CHN2: variants seen among roughly 807,000 people sequenced by gnomAD.
CHN2 encodes the protein chimerin 2.
In CHN2, 35 loss-of-function variants were observed where a neutral mutation model predicts 56.3. That is an observed-to-expected ratio of 0.62 (90% CI 0.47 to 0.82). The LOEUF (loss-of-function observed/expected upper bound fraction) is 0.82. Ranked by LOEUF, CHN2 falls within the 40% of genes least tolerant of loss-of-function variation. The pLI is 0.00. For synonymous variants in CHN2, 210 were observed against 212.8 expected (o/e 0.99, Z 0.12); for missense variants, 491 against 580.5 (o/e 0.85, Z 1.58).
chr7:29,501,128 A>G (rs529259816), intron 9 of CHN2, among the ~76,000 whole-genome samples: 60 of 152,264 alleles, frequency 3.9e-4, no homozygotes, highest in South Asian at 1.2e-3. Flanking sequence ...CATTTTTCCA[A>G]AGCACAACTA....
intron 2 of CHN2, among the ~76,000 whole-genome samples, chr7:29,187,552 C>T (rs567806940): frequency 7.2e-5 from 11 of 152,030 alleles, no homozygotes; most frequent in East Asian, 3.9e-4. Flanking sequence ...GGAGAAACCC[C>T]GTCTCTACTA....
intron 6 of CHN2, among the ~76,000 whole-genome samples, chr7:29,444,878 G>T (rs1319343797): frequency 3.9e-5 from 6 of 152,222 alleles, no homozygotes; most frequent in Non-Finnish European, 8.8e-5. Flanking sequence ...CATTTTGGGG[G>T]TTGTTAGTTT....
At chr7:29,399,790 A>G (rs1484825316) in intron 5 of CHN2, among the ~76,000 whole-genome samples, 3 of 152,182 alleles carry the variant, frequency 2.0e-5, no homozygotes, top group Non-Finnish European at 4.4e-5. Flanking sequence ...ATGAGGACGA[A>G]CTTAAAAAGC....
intron 6 of CHN2, among the ~76,000 whole-genome samples, chr7:29,405,233 A>G (rs886587146): frequency 2.1e-5 from 3 of 142,198 alleles, no homozygotes; most frequent in Non-Finnish European, 3.1e-5. Flanking sequence ...GGCAGTTCCA[A>G]CACTCTGCAC....
chr7:29,311,277 C>T (rs77150945), intron 1 of CHN2, among the ~76,000 whole-genome samples: 3,201 of 152,230 alleles, frequency 0.021, 125 homozygotes, highest in African/African-American at 0.074. Flanking sequence ...AAATGTGATC[C>T]ATCTTAAGAG....
rs1286685632 is a variant in CHN2, at chr7:29,213,319, T to C, written c.49+18329T>C. On this transcript the variant is annotated intron_variant, in intron 1 of 12. Transcript: ENST00000222792. ...TAGGATTTTTCTTGTATGGAAACCA[T>C]GTGTTCTGGCTTCCATTATGCCTAT... 2.6e-5 allele frequency: 19 copies of C among 724,174 alleles called. No individual in the cohort carries two copies. The African/African-American group carries it at 2.9e-4, about 11-fold the overall frequency. 44.9% of individuals were successfully genotyped at this position (724,174 alleles called of 1,614,324 possible).
intron 8 of CHN2, among the ~76,000 whole-genome samples, chr7:29,498,489 T>C (rs1021337164): frequency 3.3e-5 from 5 of 152,198 alleles, no homozygotes; most frequent in African/African-American, 1.2e-4. Context: ...GACAGAGAAC[T>C]CAGCCAATAA....
chr7:29,512,951 CTT>C lies in CHN2; in HGVS notation c.*219_*220del. On this transcript the variant is annotated 3_prime_UTR_variant, in exon 13 of 13. Transcript: ENST00000222792. ...GTGAGGGAAGCCCCTCACCTTGGGTCTTTTGCTGTGCCTCCTATGTATGTCTG... is the reference window on the plus strand; with the variant it reads ...GTGAGGGAAGCCCCTCACCTTGGGTCTTGCTGTGCCTCCTATGTATGTCTG... The C allele has an allele frequency of 2.2e-6, 1 of 464,240 alleles. No individual in the cohort carries two copies. Among genetic ancestry groups the C allele is most frequent in the Non-Finnish European group, 3.8e-6 (1 of 264,778 alleles). 28.8% of individuals were successfully genotyped at this position (464,240 alleles called of 1,614,324 possible).
intron 1 of CHN2, among the ~76,000 whole-genome samples, chr7:29,287,061 A>G (rs1792204803): frequency 6.6e-6 from 1 of 151,956 alleles, no homozygotes; most frequent in Admixed American, 6.6e-5. Flanking sequence ...TTTTTAGTCC[A>G]TTTGTTTCTG....
At chr7:29,454,218 G>C (rs183341611) in intron 6 of CHN2, among the ~76,000 whole-genome samples, 11 of 142,722 alleles carry the variant, frequency 7.7e-5, no homozygotes, top group African/African-American at 3.0e-4. Flanking sequence ...GGGCATGCTA[G>C]GTACAGGGGA....
At chr7:29,229,153 G>C (rs752294344) in intron 1 of CHN2, among the ~76,000 whole-genome samples, 1 of 152,118 alleles carries the variant, frequency 6.6e-6, no homozygotes, top group Non-Finnish European at 1.5e-5. Context: ...GCAAGAGTGG[G>C]GTGGGGTGAG....
chr7:29,353,210 A>G (rs1262751965), intron 1 of CHN2, among the ~76,000 whole-genome samples: 1 of 152,230 alleles, frequency 6.6e-6, no homozygotes, highest in Non-Finnish European at 1.5e-5. Flanking sequence ...GAGCAAGGTA[A>G]TAATTGTGAA....
chr7:29,214,393 T>C (rs1785186390), intron 1 of CHN2, among the ~76,000 whole-genome samples: 1 of 152,188 alleles, frequency 6.6e-6, no homozygotes, highest in Admixed American at 6.5e-5. Context: ...CCATATGTTA[T>C]AACCTCATTA....
chr7:29,418,244 C>G lies in CHN2; in HGVS notation c.576+17416C>G, dbSNP rs189803491. Among the ~76,000 whole-genome samples the G allele has an allele frequency of 1.3e-3, 199 of 152,330 alleles. 2 individuals carry two copies. The Middle Eastern group carries it at 0.044, about 34-fold the overall frequency. On this transcript the variant is annotated intron_variant, in intron 6 of 12. Transcript: ENST00000222792. ...TGTTTTGGAGTGGAAGTGGAGCTAA[C>G]TAAGTAAATGTAAGCCACACCAGGC...
chr7:29,207,182 A>G (rs986037639), intron 1 of CHN2, among the ~76,000 whole-genome samples: 1 of 152,252 alleles, frequency 6.6e-6, no homozygotes, highest in Admixed American at 6.5e-5. Context: ...AAGGTGAATC[A>G]GTCATAACGT....
At chr7:29,220,280 AAGAGAG>A (rs60474405) in intron 1 of CHN2, among the ~76,000 whole-genome samples, 8 of 138,168 alleles carry the variant, frequency 5.8e-5, no homozygotes, top group South Asian at 2.3e-4. Flanking sequence ...AAAAAAAAAA[AAGAGAG>A]AGAGAGAGAG....
intron 1 of CHN2, among the ~76,000 whole-genome samples, chr7:29,221,621 C>T (rs960326766): frequency 2.0e-5 from 3 of 152,110 alleles, no homozygotes; most frequent in Admixed American, 1.3e-4. Context: ...CTCCCTTCCT[C>T]GACCCCCAAC....
chr7:29,214,934 T>A (rs963923730), intron 1 of CHN2, among the ~76,000 whole-genome samples: 18 of 152,304 alleles, frequency 1.2e-4, no homozygotes, highest in African/African-American at 4.1e-4. Context: ...AGTCCATTTG[T>A]AACTCTTTAT....
chr7:29,422,865 C>T (rs571862019), intron 6 of CHN2, among the ~76,000 whole-genome samples: 29 of 152,284 alleles, frequency 1.9e-4, no homozygotes, highest in African/African-American at 6.5e-4. Flanking sequence ...ATCTCTCAAA[C>T]TAATGTTCTG....
Sources: gnomAD v4.1 joint callset for allele counts (sites outside exome capture counted in the v4.1 genomes callset) on GRCh38, gnomAD v4.1.1 for gene constraint, MANE v1.5 for transcripts, NCBI Gene and HGNC (gene_info 2026-07-23, HGNC 2026-07-21) for gene names.